LCLAT1: variants seen among roughly 807,000 people sequenced by gnomAD.
LCLAT1 encodes 1-AGP acyltransferase 8.
Under a neutral mutation model 30.7 loss-of-function variants are expected in LCLAT1, and 11 were observed. That is an observed-to-expected ratio of 0.36 (90% CI 0.23 to 0.59). The LOEUF is 0.59. Ranked by LOEUF, LCLAT1 falls within the 20% of genes least tolerant of loss-of-function variation. The pLI, the probability that LCLAT1 is intolerant of heterozygous loss-of-function variation, is 0.77. For missense variants in LCLAT1, 402 were observed against 458.6 expected, an observed-to-expected ratio of 0.88 and a Z score of 1.13; for synonymous variants, 155 against 151.3, an observed-to-expected ratio of 1.02 and a Z score of -0.18.
chr2:30,534,929 T>C (rs1161720692), intron 3 of LCLAT1, among the ~76,000 whole-genome samples: 4 of 152,172 alleles, frequency 2.6e-5, no homozygotes, highest in African/African-American at 4.8e-5. Context: ...AGTAGCAAGA[T>C]TGATTCTACA....
At chr2:30,636,861 A>C (rs1463714340) in intron 5 of LCLAT1, among the ~76,000 whole-genome samples, 1 of 152,218 alleles carries the variant, frequency 6.6e-6, no homozygotes, top group Non-Finnish European at 1.5e-5. Flanking sequence ...TAAGATTTTA[A>C]GATTGACTGT....
intron 3 of LCLAT1, among the ~76,000 whole-genome samples, chr2:30,555,954 C>T (rs946917834): frequency 6.6e-6 from 1 of 151,334 alleles, no homozygotes; most frequent in African/African-American, 2.4e-5. Context: ...TCTCCTGCCT[C>T]AGCCTCCGGA....
chr2:30,489,303 A>C (rs1683715695), intron 1 of LCLAT1: 1 of 152,106 alleles, frequency 6.6e-6, no homozygotes, highest in Non-Finnish European at 1.5e-5. Context: ...AGTGGGGAAG[A>C]AAGGGAGGAA....
At position 30,554,049 on chromosome 2, in the gene LCLAT1, GA is replaced by G. The variant is rs11338594; in HGVS notation, c.365-8090del. On this transcript the variant is annotated intron_variant, in intron 3 of 5. Transcript: ENST00000379509. The stretch of plus-strand genomic sequence containing the variant: ...GGTATTCCTGTGATTTTTTTATCGG[GA>G]AAAAAAGAGAAAAACATTTAAGCTA... 5.5e-3 allele frequency among the ~76,000 whole-genome samples: 836 copies of G among 151,918 alleles called. 9 individuals are homozygous for G. Among genetic ancestry groups the G allele is most frequent in the African/African-American group, 0.019 (771 of 41,438 alleles).
chr2:30,620,579 T>G (rs1366611013), intron 5 of LCLAT1, among the ~76,000 whole-genome samples: 1 of 152,170 alleles, frequency 6.6e-6, no homozygotes, highest in African/African-American at 2.4e-5. Flanking sequence ...TTATAATAGT[T>G]GGGTGATCAT....
intron 5 of LCLAT1, among the ~76,000 whole-genome samples, chr2:30,621,302 A>AGGAATT (rs1668236128): frequency 6.6e-6 from 1 of 152,160 alleles, no homozygotes; most frequent in Non-Finnish European, 1.5e-5. Context: ...AAATTCCTAT[A>AGGAATT]TTGAGGCCTC....
At chr2:30,447,935 G>A (rs1681347180) in intron 1 of LCLAT1, among the ~76,000 whole-genome samples, 1 of 152,208 alleles carries the variant, frequency 6.6e-6, no homozygotes, top group South Asian at 2.1e-4. Context: ...GAGTGGCAGT[G>A]CCGCGAAAAG....
chr2:30,514,018 A>G (rs1057196860), intron 1 of LCLAT1, among the ~76,000 whole-genome samples: 2 of 152,212 alleles, frequency 1.3e-5, no homozygotes, highest in South Asian at 2.1e-4. Context: ...TTTCTAAATT[A>G]ACTGAGACCT....
At chr2:30,559,098 C>G (rs964074562) in intron 3 of LCLAT1, among the ~76,000 whole-genome samples, 14 of 152,066 alleles carry the variant, frequency 9.2e-5, no homozygotes, top group Admixed American at 6.6e-5. Context: ...GCATAAGAAG[C>G]AAAATACATA....
intron 2 of LCLAT1, among the ~76,000 whole-genome samples, chr2:30,526,802 G>T (rs1018095139): frequency 6.6e-6 from 1 of 152,116 alleles, no homozygotes; most frequent in Non-Finnish European, 1.5e-5. Flanking sequence ...TATCCTAATT[G>T]TAGATTTACA....
At chr2:30,475,127 A>G (rs983960128) in intron 1 of LCLAT1, among the ~76,000 whole-genome samples, 2 of 151,568 alleles carry the variant, frequency 1.3e-5, no homozygotes, top group African/African-American at 2.4e-5. Flanking sequence ...CCTTCCAAGC[A>G]GCTGGGATTA....
At chr2:30,473,609 T>C (rs1163013688) in intron 1 of LCLAT1, among the ~76,000 whole-genome samples, 1 of 152,238 alleles carries the variant, frequency 6.6e-6, no homozygotes, top group East Asian at 1.9e-4. Context: ...TGTGGATGGA[T>C]AGATGAACAT....
chr2:30,577,164 G>A (rs1666030227), intron 5 of LCLAT1, among the ~76,000 whole-genome samples: 2 of 151,264 alleles, frequency 1.3e-5, no homozygotes, highest in Non-Finnish European at 2.9e-5. Context: ...ATACATATCT[G>A]ACTGCTAAAA....
chr2:30,510,805 T>C (rs1200993410), intron 1 of LCLAT1, among the ~76,000 whole-genome samples: 1 of 152,152 alleles, frequency 6.6e-6, no homozygotes, highest in Non-Finnish European at 1.5e-5. Flanking sequence ...TTCTCAACTT[T>C]ATTTTCTAAC....
At chr2:30,453,662 G>A (rs1373772113) in intron 1 of LCLAT1, among the ~76,000 whole-genome samples, 2 of 152,088 alleles carry the variant, frequency 1.3e-5, no homozygotes, top group Non-Finnish European at 2.9e-5. Flanking sequence ...CTGTGTAGAG[G>A]GGGAGATAAA....
chr2:30,463,376 T>C (rs1275650775), intron 1 of LCLAT1, among the ~76,000 whole-genome samples: 4 of 152,190 alleles, frequency 2.6e-5, no homozygotes, highest in Non-Finnish European at 1.5e-5. Flanking sequence ...AGATTTCTTT[T>C]TTTGTTTTCT....
chr2:30,495,301 T>C (rs1014117761), intron 1 of LCLAT1, among the ~76,000 whole-genome samples: 2 of 152,166 alleles, frequency 1.3e-5, no homozygotes, highest in African/African-American at 4.8e-5. Context: ...CAGTAAATTA[T>C]GGAACTGGAA....
intron 5 of LCLAT1, among the ~76,000 whole-genome samples, chr2:30,619,499 C>T (rs1668146133): frequency 6.6e-6 from 1 of 152,284 alleles, no homozygotes; most frequent in East Asian, 1.9e-4. Flanking sequence ...TGAAACTTTA[C>T]AAGATATTCT....
intron 3 of LCLAT1, among the ~76,000 whole-genome samples, chr2:30,557,569 C>T (rs955891717): frequency 5.3e-5 from 8 of 152,154 alleles, no homozygotes; most frequent in African/African-American, 1.7e-4. Flanking sequence ...CATGCACCAC[C>T]ATGCCTGGCT....
Sources: gnomAD v4.1 joint callset for allele counts (sites outside exome capture counted in the v4.1 genomes callset) on GRCh38, gnomAD v4.1.1 for gene constraint, MANE v1.5 for transcripts, NCBI Gene and HGNC (gene_info 2026-07-23, HGNC 2026-07-21) for gene names.